The following ARHGEF10L variants were observed in gnomAD, a reference collection of about 807,000 sequenced individuals.
ARHGEF10L encodes the protein rho guanine nucleotide exchange factor 10-like protein.
ARHGEF10L carries 69 observed loss-of-function variants against 141.2 expected under a neutral mutation model. The observed-to-expected ratio is 0.49, with a 90% CI of 0.40 to 0.60. The LOEUF is 0.60. ARHGEF10L is among the 20% of genes least tolerant of loss of function. The pLI is 0.00. For synonymous variants in ARHGEF10L, 711 were observed against 718.5 expected (o/e 0.99, Z 0.17); for missense variants, 1,482 against 1,734.3 (o/e 0.85, Z 2.58).
In ARHGEF10L at chr1:17,697,574, G is replaced by A. The variant is rs545676127; in HGVS notation, c.*194G>A. 6.8e-4 allele frequency: 494 copies of A among 731,576 alleles called. 2 individuals carry two copies. The highest frequency in any genetic ancestry group is 2.5e-3 in the Middle Eastern group (10 of 4,060). The allele number at this position is 731,576 out of a possible 1,614,324, so 45.3% of individuals were successfully genotyped here. On this transcript the variant is annotated 3_prime_UTR_variant, in exon 29 of 29. Transcript: ENST00000361221. This position sits in a 1 kb window ranked among gnomAD's most constrained non-coding sequence, Gnocchi z 4.8. ...GTTTTGGGGAGGAGTTTTAGGGCTT[G>A]GGGAGAGGGAGGACACATCTGGAGG...
At chr1:17,547,153 C>T (rs1209277377) in intron 1 of ARHGEF10L, among the ~76,000 whole-genome samples, 2 of 152,210 alleles carry the variant, frequency 1.3e-5, no homozygotes, top group African/African-American at 4.8e-5. Context: ...ACCACTTGGC[C>T]ACAGGCCCAG....
At position 17,673,379 on chromosome 1, in the gene ARHGEF10L, C is replaced by T. The variant is rs2063450233; in HGVS notation, c.3009+8784C>T. Among the ~76,000 whole-genome samples, 1 of 152,120 alleles carries T rather than the reference C, an allele frequency of 6.6e-6. No homozygotes were observed. The highest frequency in any genetic ancestry group is 2.4e-5 in the African/African-American group (1 of 41,412). ...GGCAGATGCCCAAGGGGCAGCTGCCCAGTCCTTTTGGAACTTGGCAAGGAA... is the reference window on the plus strand; with the variant it reads ...GGCAGATGCCCAAGGGGCAGCTGCCTAGTCCTTTTGGAACTTGGCAAGGAA... On this transcript the variant is annotated intron_variant, in intron 26 of 28. Transcript: ENST00000361221. The surrounding 1 kb of genome is among the most constrained non-coding windows in gnomAD (Gnocchi z 4.1).
At chr1:17,638,102 T>C (rs2101794343) in intron 19 of ARHGEF10L, 99 bp downstream of exon 19, 3 of 1,034,678 alleles carry the variant, frequency 2.9e-6, no homozygotes, top group South Asian at 1.6e-5. Context: ...TCCTGGCCCA[T>C]GTCCCCGATG....
At chr1:17,668,979 G>A (rs1390830857) in intron 26 of ARHGEF10L, among the ~76,000 whole-genome samples, 1 of 152,172 alleles carries the variant, frequency 6.6e-6, no homozygotes, top group African/African-American at 2.4e-5. Flanking sequence ...AGGCCTGGGG[G>A]AGCCGCCTGG....
At chr1:17,634,339 C>T in intron 16 of ARHGEF10L, 1 of 740,414 alleles carries the variant, frequency 1.4e-6, no homozygotes, top group Non-Finnish European at 2.3e-6. Context: ...TCTAAGCTTC[C>T]TAGCGGGGCT....
At chr1:17,622,947 G>T (rs753972624) in intron 11 of ARHGEF10L, 49 bp from the exon 12 acceptor site, 6 of 1,571,900 alleles carry the variant, frequency 3.8e-6, no homozygotes, top group East Asian at 2.2e-5. Context: ...GGCAGGTAGG[G>T]AGAGAGGCTG....
chr1:17,515,819 T>G, the ARHGEF10L span, among the ~76,000 whole-genome samples: 2 of 152,122 alleles, frequency 1.3e-5, no homozygotes, highest in African/African-American at 4.8e-5. Context: ...ACTTTTGCAC[T>G]TTTAGTAGAG....
At chr1:17,658,688 C>T (rs1240210991) in intron 25 of ARHGEF10L, among the ~76,000 whole-genome samples, 2 of 152,128 alleles carry the variant, frequency 1.3e-5, no homozygotes, top group Admixed American at 6.5e-5. Flanking sequence ...CGCCTGCTCT[C>T]ATGGAGCTTA....
In ARHGEF10L at chr1:17,697,237, A is replaced by C; in HGVS notation, c.3697A>C (p.Lys1233Gln). ...GCCCTGCGCCCGCGACGCCCACCGC[A>C]AGGAGATTTGCTCTGTGGCCATCAT... is the stretch of plus-strand genomic sequence containing the variant. The part of the protein sequence containing the change: ...SRPCARDAHR[K>Q]EICSVAIISG... The change falls in exon 29 of 29, where the codon AAG (lysine) becomes CAG (glutamine). Residue 1233 changes from lysine to glutamine, a missense_variant. By Grantham distance (53) the Lys-to-Gln change is moderately conservative. Around this residue, in one of 3 missense-constraint regions of ARHGEF10L, gnomAD observed 858 missense variants for 966.3 expected, o/e 0.89. Transcript: ENST00000361221. This position sits in a 1 kb window ranked among gnomAD's most constrained non-coding sequence, Gnocchi z 4.8. 5 of 1,612,492 alleles carry C rather than the reference A, an allele frequency of 3.1e-6. No individual in the cohort carries two copies. Among genetic ancestry groups the C allele is most frequent in the Non-Finnish European group, 2.5e-6 (3 of 1,179,726 alleles).
rs573781282 is a variant in ARHGEF10L at position 17,678,403 on chromosome 1, T to G, written c.3010-9170T>G. Among the ~76,000 whole-genome samples the G allele has an allele frequency of 4.0e-5, 6 of 151,270 alleles. No individual in the cohort carries two copies. The South Asian group carries it at 1.3e-3, about 32-fold the overall frequency. On this transcript the variant is annotated intron_variant, in intron 26 of 28. Transcript: ENST00000361221. ...CTTCCTCCAGAATAGCCAGGTGCAC[T>G]GATAGATTTCAGGGTTTTTTTTTTT...
chr1:17,619,335 C>T lies in ARHGEF10L; in HGVS notation c.836-4C>T, dbSNP rs752214912. ...CTGTGTCATCGGCCCATCTGACTTTCCAGGTGACTCGGAGGAGGAGGACAT... is the reference window on the plus strand; with the variant it reads ...CTGTGTCATCGGCCCATCTGACTTTTCAGGTGACTCGGAGGAGGAGGACAT... On this transcript the variant is annotated splice_region_variant and splice_polypyrimidine_tract_variant and intron_variant, in intron 9 of 28. Transcript: ENST00000361221. The surrounding 1 kb of genome is among the most constrained non-coding windows in gnomAD (Gnocchi z 5.0). 2 of 1,612,966 alleles carry T rather than the reference C, an allele frequency of 1.2e-6. No homozygotes were observed. Among genetic ancestry groups the T allele is most frequent in the Non-Finnish European group, 1.7e-6 (2 of 1,179,722 alleles).
At chr1:17,624,286 G>C (rs2060264198) in intron 12 of ARHGEF10L, 101 bp from the exon 13 acceptor site, 1 of 878,420 alleles carries the variant, frequency 1.1e-6, no homozygotes, top group East Asian at 2.4e-5. Context: ...GCGCCCTTCT[G>C]CTCCCTGCCT....
At position 17,638,687 on chromosome 1, in the gene ARHGEF10L, C is replaced by T. The variant is rs1270893649; in HGVS notation, c.2169C>T (p.Asp723=). The part of the protein sequence containing the change: ...RLRLLLPGKP[D]KSGRPISFMV... ...GGCTCCTGCTTCCTGGGAAACCCGA[C>T]AAGTGAGAGGAGGGGGTCTTGGAGG... The change falls in exon 20 of 29, where the codon GAC becomes GAT. Residue 723 remains aspartate, a splice_region_variant and synonymous_variant. Transcript: ENST00000361221. 2 of 1,613,818 alleles carry T rather than the reference C, an allele frequency of 1.2e-6. No individual in the cohort carries two copies. The highest frequency in any genetic ancestry group is 8.5e-7 in the Non-Finnish European group (1 of 1,180,016).
chr1:17,578,794 A>G (rs1196048360), intron 1 of ARHGEF10L, among the ~76,000 whole-genome samples: 2 of 152,244 alleles, frequency 1.3e-5, no homozygotes, highest in African/African-American at 2.4e-5. Context: ...GTTGATTTCT[A>G]TGTATTAGTA....
At chr1:17,601,989 A>G (rs1014025448) in intron 4 of ARHGEF10L, 138 bp from the exon 5 acceptor site, 24 of 715,274 alleles carry the variant, frequency 3.4e-5, no homozygotes, top group Non-Finnish European at 4.0e-5. Flanking sequence ...TCTGAGGCCA[A>G]CTCCACCTCA....
At chr1:17,576,897 C>T (rs75074659) in intron 1 of ARHGEF10L, among the ~76,000 whole-genome samples, 5,968 of 152,308 alleles carry the variant, frequency 0.039, 391 homozygotes, top group African/African-American at 0.13. Flanking sequence ...GGAGAGTCAC[C>T]GTGCTGTGGG....
At chr1:17,532,133 G>T in the ARHGEF10L span, among the ~76,000 whole-genome samples, 1 of 152,118 alleles carries the variant, frequency 6.6e-6, no homozygotes, top group Non-Finnish European at 1.5e-5. Context: ...CTGGAGGCTC[G>T]CTGTGTCCCC....
At chr1:17,671,006 G>T (rs1178618336) in intron 26 of ARHGEF10L, among the ~76,000 whole-genome samples, 1 of 152,234 alleles carries the variant, frequency 6.6e-6, no homozygotes, top group Non-Finnish European at 1.5e-5. Flanking sequence ...CACATCACCC[G>T]GCTTTATTGC....
At position 17,651,405 on chromosome 1, in the gene ARHGEF10L, G is replaced by A. The variant is rs142782567; in HGVS notation, c.2394+2730G>A. Among the ~76,000 whole-genome samples, 1,383 of 152,302 alleles carry A rather than the reference G, an allele frequency of 9.1e-3. 25 individuals are homozygous for A. The highest frequency in any genetic ancestry group is 0.03 in the African/African-American group (1,258 of 41,562). ...AGTAGGGAGTATCAGGGCCCACTGT[G>A]CCTGCGGCCAGCTTGGCCTTAGCGC... On this transcript the variant is annotated intron_variant, in intron 22 of 28. Coordinates refer to ENST00000361221, the MANE Select transcript of ARHGEF10L (RefSeq NM_018125.4).
Sources: gnomAD v4.1 joint callset for allele counts (sites outside exome capture counted in the v4.1 genomes callset) on GRCh38, gnomAD v4.1.1 for gene constraint, gnomAD v4.1.1 regional missense constraint, Gnocchi (gnomAD v3.1) non-coding constraint, MANE v1.5 for transcripts, NCBI Gene and HGNC (gene_info 2026-07-23, HGNC 2026-07-21) for gene names.